The following LRMDA variants were observed in gnomAD, a reference collection of about 807,000 sequenced individuals.
LRMDA encodes the protein leucine-rich melanocyte differentiation-associated protein.
Under a neutral mutation model 29.8 loss-of-function variants are expected in LRMDA, and 18 were observed. That is an observed-to-expected ratio of 0.60 (90% CI 0.42 to 0.90). The LOEUF (loss-of-function observed/expected upper bound fraction) is 0.90. LRMDA is among the 40% of genes least tolerant of loss of function. The probability of loss-of-function intolerance (pLI) is 0.00; values close to 1 mark genes in which losing one functional copy is unlikely to be tolerated. For missense variants in LRMDA, 273 were observed against 273.9 expected (o/e 1.00, Z 0.02); for synonymous variants, 125 against 109.4 (o/e 1.14, Z -0.89).
chr10:76,421,429 T>A (rs2132520902), intron 6 of LRMDA, among the ~76,000 whole-genome samples: 1 of 152,298 alleles, frequency 6.6e-6, no homozygotes, highest in East Asian at 1.9e-4. Flanking sequence ...ATGTTTCTTG[T>A]AAGCAGTATA....
chr10:76,001,520 T>G (rs1847562464), intron 2 of LRMDA, among the ~76,000 whole-genome samples: 1 of 152,222 alleles, frequency 6.6e-6, no homozygotes, highest in African/African-American at 2.4e-5. Context: ...GGCTTAAACT[T>G]TGTTATATTT....
chr10:76,200,063 G>A lies in LRMDA; in HGVS notation c.517-124338G>A, dbSNP rs549813640. ...TGCAGCCTTGACCTCCCAGGCTCAA[G>A]TGATCCTCCTGCCTCAGCCTCCCAA... is the stretch of plus-strand genomic sequence containing the variant. On this transcript the variant is annotated intron_variant, in intron 5 of 6. Coordinates refer to ENST00000611255, the MANE Select transcript of LRMDA (RefSeq NM_001305581.2). 1.1e-3 allele frequency among the ~76,000 whole-genome samples: 162 copies of A among 152,306 alleles called. 1 individual carries two copies. The South Asian group carries it at 0.02, about 19-fold the overall frequency.
At chr10:76,483,945 T>C (rs529337169) in intron 6 of LRMDA, among the ~76,000 whole-genome samples, 1 of 152,014 alleles carries the variant, frequency 6.6e-6, no homozygotes, top group South Asian at 2.1e-4. Flanking sequence ...TTTCTACTAA[T>C]ACCATGCCAT....
At chr10:76,357,830 C>A (rs1459144271) in intron 6 of LRMDA, among the ~76,000 whole-genome samples, 1 of 152,198 alleles carries the variant, frequency 6.6e-6, no homozygotes, top group African/African-American at 2.4e-5. Context: ...CTTCGTGGTT[C>A]TTTCTTCCGT....
intron 5 of LRMDA, among the ~76,000 whole-genome samples, chr10:76,285,432 T>C (rs887265249): frequency 2.0e-5 from 2 of 100,430 alleles, no homozygotes; most frequent in African/African-American, 1.1e-4. Context: ...GTGCTAAATA[T>C]TAAAAAAAAA....
chr10:75,485,211 G>C (rs144333276), intron 2 of LRMDA, among the ~76,000 whole-genome samples: 1 of 152,022 alleles, frequency 6.6e-6, no homozygotes, highest in East Asian at 1.9e-4. Context: ...AGTTTATCCA[G>C]GTTTTCAAAT....
intron 2 of LRMDA, among the ~76,000 whole-genome samples, chr10:75,855,625 A>G (rs948271120): frequency 2.0e-5 from 3 of 152,226 alleles, no homozygotes; most frequent in Admixed American, 1.3e-4. Context: ...TGTTTTAGAC[A>G]TGAAGTCCTT....
chr10:75,772,682 T>C (rs1197243733), intron 2 of LRMDA, among the ~76,000 whole-genome samples: 2 of 152,202 alleles, frequency 1.3e-5, no homozygotes, highest in South Asian at 2.1e-4. Flanking sequence ...CCTATTAAAA[T>C]GTAAGTACCT....
chr10:76,243,614 T>C (rs1852320157), intron 5 of LRMDA, among the ~76,000 whole-genome samples: 1 of 152,202 alleles, frequency 6.6e-6, no homozygotes. Context: ...ACAAACTTTC[T>C]GGATAACAAA....
At chr10:75,767,227 C>T (rs959766111) in intron 2 of LRMDA, among the ~76,000 whole-genome samples, 1 of 152,194 alleles carries the variant, frequency 6.6e-6, no homozygotes, top group Admixed American at 6.5e-5. Context: ...ACACTGTCTT[C>T]CACAATGCTA....
chr10:76,521,282 T>C (rs941583655), intron 6 of LRMDA, among the ~76,000 whole-genome samples: 194 of 152,124 alleles, frequency 1.3e-3, no homozygotes, highest in Non-Finnish European at 2.7e-3. Context: ...TACAGGCGCC[T>C]GCCACCACGC....
chr10:76,070,959 A>G (rs1180115200), intron 5 of LRMDA, among the ~76,000 whole-genome samples: 1 of 152,200 alleles, frequency 6.6e-6, no homozygotes. Flanking sequence ...TGATGGAGCC[A>G]GGAGCATGAA....
chr10:76,035,559 A>G (rs1848227291), intron 2 of LRMDA, among the ~76,000 whole-genome samples: 1 of 152,222 alleles, frequency 6.6e-6, no homozygotes, highest in African/African-American at 2.4e-5. Context: ...TTATTATTGT[A>G]AGAGGGTATG....
At chr10:76,058,555 CT>C in intron 4 of LRMDA, 110 bp from the exon 5 acceptor site, 2 of 876,928 alleles carry the variant, frequency 2.3e-6, no homozygotes, top group Non-Finnish European at 3.8e-6. Context: ...CAGCCAAGGT[CT>C]AAGTTCCAGA....
intron 5 of LRMDA, among the ~76,000 whole-genome samples, chr10:76,296,628 T>C (rs373869363): frequency 2.0e-5 from 3 of 152,238 alleles, no homozygotes; most frequent in South Asian, 4.1e-4. Flanking sequence ...TCAATGGAAA[T>C]TTAATAAAGT....
intron 6 of LRMDA, among the ~76,000 whole-genome samples, chr10:76,417,653 T>G (rs757292914): frequency 1.3e-5 from 2 of 152,224 alleles, no homozygotes; most frequent in Non-Finnish European, 2.9e-5. Flanking sequence ...TTTGGGGATT[T>G]TTGTTGTTGT....
intron 2 of LRMDA, among the ~76,000 whole-genome samples, chr10:75,659,495 A>G (rs938392253): frequency 2.0e-5 from 3 of 152,238 alleles, no homozygotes; most frequent in African/African-American, 7.2e-5. Flanking sequence ...GCCATTTGCG[A>G]CAACACAGAT....
At chr10:75,610,412 A>C (rs1841013264) in intron 2 of LRMDA, among the ~76,000 whole-genome samples, 1 of 148,254 alleles carries the variant, frequency 6.7e-6, no homozygotes, top group African/African-American at 2.4e-5. Context: ...ATTCCTCCTC[A>C]TACTTCCCTA....
intron 2 of LRMDA, among the ~76,000 whole-genome samples, chr10:75,520,689 G>A (rs1007683821): frequency 3.3e-5 from 5 of 152,172 alleles, no homozygotes; most frequent in Admixed American, 1.3e-4. Flanking sequence ...CTGTCAGCTC[G>A]TCAAAGTCAT....
Sources: gnomAD v4.1 joint callset for allele counts (sites outside exome capture counted in the v4.1 genomes callset) on GRCh38, gnomAD v4.1.1 for gene constraint, MANE v1.5 for transcripts, NCBI Gene and HGNC (gene_info 2026-07-23, HGNC 2026-07-21) for gene names.